CACNA1A: variants seen among roughly 807,000 people sequenced by gnomAD.
CACNA1A encodes the protein calcium voltage-gated channel subunit alpha1 A, also known as voltage-dependent P/Q-type calcium channel subunit alpha-1A.
A neutral mutation model predicts 262.4 loss-of-function variants in CACNA1A; 57 were observed. The ratio of observed to expected loss-of-function variants is 0.22; its 90% CI spans 0.18 to 0.27. CACNA1A has a LOEUF of 0.27. Among genes scored for constraint, CACNA1A ranks in the 10% least tolerant of loss-of-function variants. CACNA1A has a pLI of 1.00. For synonymous variants in CACNA1A, 1,431 were observed against 1,419.3 expected (o/e 1.01, Z -0.18); for missense variants, 2,526 against 3,562.8 (o/e 0.71, Z 7.41).
At chr19:13,253,160 G>T (rs200729286) in intron 29 of CACNA1A, 59 bp from the exon 30 acceptor site, 2 of 1,085,558 alleles carry the variant, frequency 1.8e-6, no homozygotes, top group Non-Finnish European at 2.8e-6. Context: ...AGTGGGAAGT[G>T]GGGAGGCAGC....
At chr19:13,256,813 C>T (rs2056584370) in intron 28 of CACNA1A, 1 of 152,328 alleles carries the variant, frequency 6.6e-6, no homozygotes, top group African/African-American at 2.4e-5. Context: ...CATAAATATT[C>T]ACCACCCTTC....
At chr19:13,292,541 GA>G (rs2057566768) in intron 19 of CACNA1A, among the ~76,000 whole-genome samples, 1 of 152,060 alleles carries the variant, frequency 6.6e-6, no homozygotes, top group African/African-American at 2.4e-5. Context: ...CTGAGCTCAG[GA>G]AGTCAAGGCT....
intron 31 of CACNA1A, among the ~76,000 whole-genome samples, chr19:13,243,196 T>TGG (rs1440644674): frequency 2.6e-5 from 4 of 152,252 alleles, no homozygotes; most frequent in Non-Finnish European, 4.4e-5. Context: ...AATGACCAGG[T>TGG]GGGGGCACCC....
At chr19:13,331,033 G>C (rs1372574759) in intron 9 of CACNA1A, among the ~76,000 whole-genome samples, 1 of 152,126 alleles carries the variant, frequency 6.6e-6, no homozygotes, top group African/African-American at 2.4e-5. Flanking sequence ...CAGCAGACAA[G>C]TTCAGGTGTA....
chr19:13,424,345 G>A (rs925784046), intron 3 of CACNA1A, among the ~76,000 whole-genome samples: 1 of 152,014 alleles, frequency 6.6e-6, no homozygotes, highest in Non-Finnish European at 1.5e-5. Context: ...CTCCAGCCTG[G>A]GCAACAAGAG....
At chr19:13,456,633 C>T (rs1050629613) in intron 1 of CACNA1A, among the ~76,000 whole-genome samples, 29 of 152,088 alleles carry the variant, frequency 1.9e-4, no homozygotes, top group Admixed American at 4.6e-4. Flanking sequence ...AAGATCGTGC[C>T]ACTGCACTCC....
intron 3 of CACNA1A, among the ~76,000 whole-genome samples, chr19:13,386,260 G>A (rs2059611473): frequency 6.6e-6 from 1 of 152,024 alleles, no homozygotes; most frequent in Non-Finnish European, 1.5e-5. Flanking sequence ...CAAAGAGGCA[G>A]AAAATGCCTA....
intron 3 of CACNA1A, among the ~76,000 whole-genome samples, chr19:13,446,515 C>T (rs2060816451): frequency 6.8e-6 from 1 of 147,766 alleles, no homozygotes; most frequent in Admixed American, 6.8e-5. Context: ...AATCTCAGCT[C>T]ACTGCAACCT....
At chr19:13,270,261 A>T (rs1314543709) in intron 24 of CACNA1A, among the ~76,000 whole-genome samples, 1 of 152,194 alleles carries the variant, frequency 6.6e-6, no homozygotes, top group Admixed American at 6.5e-5. Flanking sequence ...GAGAGAAATC[A>T]AACAGACCTG....
At chr19:13,462,583 CTT>C (rs2061144551) in intron 1 of CACNA1A, among the ~76,000 whole-genome samples, 1 of 152,198 alleles carries the variant, frequency 6.6e-6, no homozygotes, top group African/African-American at 2.4e-5. Flanking sequence ...GTGGTAAGCA[CTT>C]TGTTTCAGTT....
intron 34 of CACNA1A, among the ~76,000 whole-genome samples, chr19:13,232,792 T>C (rs1377084961): frequency 5.3e-5 from 8 of 149,832 alleles, no homozygotes; most frequent in Admixed American, 3.3e-4. Context: ...CTCATGCCTG[T>C]AATCCCAGCA....
intron 20 of CACNA1A, among the ~76,000 whole-genome samples, chr19:13,285,755 G>C (rs561999967): frequency 4.9e-4 from 74 of 152,090 alleles, no homozygotes; most frequent in Non-Finnish European, 9.0e-4. Context: ...CTGCAGCCCA[G>C]CCTGCTTATG....
chr19:13,356,588 G>GC (rs1284169246), intron 6 of CACNA1A, among the ~76,000 whole-genome samples: 1 of 152,088 alleles, frequency 6.6e-6, no homozygotes, highest in Non-Finnish European at 1.5e-5. Flanking sequence ...CACTGGGCAC[G>GC]CCCCCAGCAT....
chr19:13,369,568 T>C (rs1164758830), intron 4 of CACNA1A, among the ~76,000 whole-genome samples: 1 of 152,228 alleles, frequency 6.6e-6, no homozygotes, highest in African/African-American at 2.4e-5. Flanking sequence ...ACTGCAATAG[T>C]ACCTCCCTCA....
intron 36 of CACNA1A, 30 bp downstream of exon 36, chr19:13,230,052 G>A: frequency 1.2e-6 from 2 of 1,608,708 alleles, no homozygotes; most frequent in Non-Finnish European, 1.7e-6. Context: ...GGTGAGTATT[G>A]TGGCTGGAGG....
intron 1 of CACNA1A, among the ~76,000 whole-genome samples, chr19:13,474,211 G>C (rs1311550737): frequency 6.6e-6 from 1 of 152,180 alleles, no homozygotes; most frequent in Non-Finnish European, 1.5e-5. Flanking sequence ...TCCTGCTCGG[G>C]TCTTCACTGA....
intron 3 of CACNA1A, among the ~76,000 whole-genome samples, chr19:13,429,365 G>A (rs1372181969): frequency 1.3e-5 from 2 of 151,598 alleles, no homozygotes; most frequent in African/African-American, 2.4e-5. Flanking sequence ...TGTCACAGCC[G>A]CTTCCTAAAA....
intron 1 of CACNA1A, among the ~76,000 whole-genome samples, chr19:13,481,751 T>C (rs2112459): frequency 0.12 from 18,954 of 151,894 alleles, 2,505 homozygotes; most frequent in African/African-American, 0.34. Flanking sequence ...GGTTGCTTCC[T>C]GCCCCTGGGA....
chr19:13,395,291 G>GAAAAGAAAAAGA (rs1045163093), intron 3 of CACNA1A, among the ~76,000 whole-genome samples: 1 of 112,356 alleles, frequency 8.9e-6, no homozygotes, highest in Non-Finnish European at 1.8e-5. Context: ...AAAAAAAAAA[G>GAAAAGAAAAAGA]AAAAGAAAAA....
Sources: allele counts gnomAD v4.1 joint callset (sites outside exome capture counted in the v4.1 genomes callset), GRCh38; gene constraint gnomAD v4.1.1; transcripts MANE v1.5; gene names NCBI Gene and HGNC (gene_info 2026-07-23, HGNC 2026-07-21).